The following MTCL3 variants were observed in gnomAD, a reference collection of about 807,000 sequenced individuals.
The protein encoded by MTCL3 is microtubule cross-linking factor 3.
chr6:127,514,177 C>T, the MTCL3 span, among the ~76,000 whole-genome samples: 1 of 152,164 alleles, frequency 6.6e-6, no homozygotes, highest in African/African-American at 2.4e-5. Context: ...GATTTTTCCA[C>T]TGGAAGAAAT....
At chr6:127,480,677 G>A in the MTCL3 span, among the ~76,000 whole-genome samples, 2 of 152,194 alleles carry the variant, frequency 1.3e-5, no homozygotes, top group African/African-American at 4.8e-5. Flanking sequence ...GATGGCTCCT[G>A]TCCACAAAAA....
chr6:127,514,877 G>A, the MTCL3 span: 1 of 1,614,086 alleles, frequency 6.2e-7, no homozygotes, highest in Admixed American at 1.7e-5. Context: ...CCCCGGTCTG[G>A]GCGTAGCGGA....
the MTCL3 span, among the ~76,000 whole-genome samples, chr6:127,506,928 A>C: frequency 6.6e-6 from 1 of 152,136 alleles, no homozygotes; most frequent in Non-Finnish European, 1.5e-5. Context: ...TGAAGTAAAC[A>C]ACACTTCAGT....
the MTCL3 span, chr6:127,516,570 T>G: frequency 9.4e-6 from 15 of 1,597,724 alleles, no homozygotes; most frequent in Admixed American, 1.7e-4. Flanking sequence ...CGGGAGAAGC[T>G]GCTGCTGTGG....
chr6:127,507,842 CAAAA>C, the MTCL3 span, among the ~76,000 whole-genome samples: 3 of 82,088 alleles, frequency 3.7e-5, no homozygotes, highest in African/African-American at 1.7e-4. Context: ...GACTATGTCT[CAAAA>C]AAAAAAAAAA....
chr6:127,514,212 A>G, the MTCL3 span, among the ~76,000 whole-genome samples: 1 of 152,224 alleles, frequency 6.6e-6, no homozygotes, highest in Non-Finnish European at 1.5e-5. Flanking sequence ...TGCACTTTAA[A>G]AAAATGAGAT....
chr6:127,500,180 G>GA, the MTCL3 span, among the ~76,000 whole-genome samples: 1 of 151,982 alleles, frequency 6.6e-6, no homozygotes, highest in Non-Finnish European at 1.5e-5. Flanking sequence ...AAATGATGAA[G>GA]AAAAATATCC....
At chr6:127,496,182 G>A in the MTCL3 span, among the ~76,000 whole-genome samples, 46 of 152,122 alleles carry the variant, frequency 3.0e-4, no homozygotes, top group Non-Finnish European at 4.4e-4. Flanking sequence ...AGTAATCAAA[G>A]ATGAACCAGA....
chr6:127,499,258 A>G, the MTCL3 span, among the ~76,000 whole-genome samples: 3 of 152,206 alleles, frequency 2.0e-5, no homozygotes, highest in Non-Finnish European at 4.4e-5. Flanking sequence ...TCATAACGGG[A>G]GATGAAGCTC....
the MTCL3 span, chr6:127,516,785 G>A: frequency 8.6e-7 from 1 of 1,156,454 alleles, no homozygotes. Flanking sequence ...CATTTGGATG[G>A]CGCTTAATAG....
At chr6:127,505,435 C>T in the MTCL3 span, among the ~76,000 whole-genome samples, 68 of 152,272 alleles carry the variant, frequency 4.5e-4, no homozygotes, top group African/African-American at 1.4e-3. Context: ...CCAAATACTG[C>T]GTGTTCTCAC....
At chr6:127,518,857 G>C in the MTCL3 span, 1 of 152,304 alleles carries the variant, frequency 6.6e-6, no homozygotes. Context: ...TGGAGCTGCA[G>C]CTCTCAGCAG....
the MTCL3 span, among the ~76,000 whole-genome samples, chr6:127,481,686 T>C: frequency 6.6e-6 from 1 of 152,120 alleles, no homozygotes; most frequent in Non-Finnish European, 1.5e-5. Flanking sequence ...CCAACTGACA[T>C]AGTTTAAAGG....
At chr6:127,475,164 C>T in the MTCL3 span, 11 of 936,352 alleles carry the variant, frequency 1.2e-5, no homozygotes, top group African/African-American at 3.4e-5. This position sits in a 1 kb window ranked among gnomAD's most constrained non-coding sequence, Gnocchi z 7.3. Context: ...TTTCAGGCCC[C>T]AGCGCGGCCC....
chr6:127,478,104 G>A, the MTCL3 span, among the ~76,000 whole-genome samples: 1 of 152,200 alleles, frequency 6.6e-6, no homozygotes, highest in South Asian at 2.1e-4. Context: ...GAGGAGAAGA[G>A]GGCATGTCAT....
chr6:127,490,461 G>A, the MTCL3 span, among the ~76,000 whole-genome samples: 7 of 152,056 alleles, frequency 4.6e-5, no homozygotes, highest in Non-Finnish European at 1.0e-4. Flanking sequence ...TTCTTATGAT[G>A]AATCTGGACA....
the MTCL3 span, among the ~76,000 whole-genome samples, chr6:127,482,758 A>G: frequency 6.6e-6 from 1 of 152,226 alleles, no homozygotes; most frequent in Non-Finnish European, 1.5e-5. This position sits in a 1 kb window ranked among gnomAD's most constrained non-coding sequence, Gnocchi z 4.1. Flanking sequence ...ATTCTGATTT[A>G]TACTACCTGT....
At chr6:127,503,065 A>G in the MTCL3 span, among the ~76,000 whole-genome samples, 5 of 152,178 alleles carry the variant, frequency 3.3e-5, no homozygotes, top group Admixed American at 3.3e-4. Context: ...CTAGAGTATT[A>G]TAGAGGATTA....
the MTCL3 span, chr6:127,517,703 T>C: frequency 6.6e-6 from 1 of 152,246 alleles, no homozygotes; most frequent in Non-Finnish European, 1.5e-5. Flanking sequence ...TCTTCCCTCA[T>C]GGTGGTAAGA....
Sources: gnomAD v4.1 joint callset for allele counts (sites outside exome capture counted in the v4.1 genomes callset) on GRCh38, gnomAD v4.1.1 for gene constraint, Gnocchi (gnomAD v3.1) non-coding constraint, MANE v1.5 for transcripts, NCBI Gene and HGNC (gene_info 2026-07-23, HGNC 2026-07-21) for gene names.